POR: variants seen among roughly 807,000 people sequenced by gnomAD.
The protein encoded by POR is NADPH--cytochrome P450 reductase.
In POR, 56 loss-of-function variants were observed where a neutral mutation model predicts 84.0. The ratio of observed to expected loss-of-function variants is 0.67; its 90% CI spans 0.54 to 0.83. The LOEUF (loss-of-function observed/expected upper bound fraction) is 0.83. POR is among the 40% of genes least tolerant of loss of function. POR has a pLI of 0.00. For synonymous variants in POR, 414 were observed against 400.5 expected (o/e 1.03, Z -0.40); for missense variants, 938 against 944.3 (o/e 0.99, Z 0.09).
At chr7:75,922,584 G>A (rs782811121) in intron 1 of POR, among the ~76,000 whole-genome samples, 1 of 152,122 alleles carries the variant, frequency 6.6e-6, no homozygotes, top group Admixed American at 6.6e-5. Context: ...TCGGCCTTCC[G>A]AAGTGCTGGG....
chr7:75,980,839 C>T lies in POR; in HGVS notation c.517-209C>T, dbSNP rs946607363. 2.0e-5 allele frequency: 23 copies of T among 1,134,728 alleles called. 1 individual carries two copies. The Admixed American group carries it at 3.1e-4, about 15-fold the overall frequency. The allele number at this position is 1,134,728 out of a possible 1,614,324, so 70.3% of individuals were successfully genotyped here. A position where few individuals can be genotyped will look rare whatever the true frequency, so the allele number is the denominator to read the frequency against. ...CCTGTGGGTTGAGGCTGGCAGTGGA[C>T]GGGGCAGGCTGTGGGCTGCAGGTCA... On this transcript the variant is annotated intron_variant, in intron 5 of 15. Coordinates refer to ENST00000461988, the MANE Select transcript of POR (RefSeq NM_000941.3).
intron 3 of POR, among the ~76,000 whole-genome samples, chr7:75,978,689 A>T (rs570997527): frequency 4.6e-5 from 7 of 151,494 alleles, no homozygotes; most frequent in Non-Finnish European, 7.4e-5. Flanking sequence ...ATGCCCGGCT[A>T]ATTTTGTATT....
chr7:75,958,433 A>G (rs1192705491), intron 2 of POR, among the ~76,000 whole-genome samples: 1 of 151,666 alleles, frequency 6.6e-6, no homozygotes, highest in Non-Finnish European at 1.5e-5. Context: ...TATTATTTTT[A>G]TCCTTTTTAT....
chr7:75,917,074 T>G (rs1806604262), intron 1 of POR, among the ~76,000 whole-genome samples: 1 of 149,214 alleles, frequency 6.7e-6, no homozygotes, highest in Non-Finnish European at 1.5e-5. Flanking sequence ...TTAAGTAACT[T>G]TTTTTTTTTT....
intron 1 of POR, among the ~76,000 whole-genome samples, chr7:75,935,467 G>A (rs951649251): frequency 3.9e-5 from 6 of 151,934 alleles, no homozygotes; most frequent in African/African-American, 9.7e-5. Context: ...GGTTGGTCTC[G>A]AATCCTGACC....
intron 3 of POR, among the ~76,000 whole-genome samples, chr7:75,973,493 T>C (rs551633469): frequency 6.6e-6 from 1 of 152,002 alleles, no homozygotes; most frequent in African/African-American, 2.4e-5. Context: ...TTTTAATTTA[T>C]TCTTCATAGG....
At chr7:75,943,321 A>G (rs1787031968) in intron 1 of POR, among the ~76,000 whole-genome samples, 1 of 152,008 alleles carries the variant, frequency 6.6e-6, no homozygotes, top group South Asian at 2.1e-4. Flanking sequence ...TCTTGTTCAG[A>G]AAAGATTTAA....
At chr7:75,941,999 G>A (rs781998073) in intron 1 of POR, among the ~76,000 whole-genome samples, 15 of 151,878 alleles carry the variant, frequency 9.9e-5, no homozygotes, top group Non-Finnish European at 1.6e-4. Flanking sequence ...TGGGAGGATC[G>A]CTTGAGTCCA....
At chr7:75,923,513 G>T in intron 1 of POR, 2 of 472,890 alleles carry the variant, frequency 4.2e-6, no homozygotes, top group South Asian at 2.3e-5. Context: ...TTTGGGGGCG[G>T]GGTGGAATTT....
At chr7:75,915,347 C>T (rs1554547923) in intron 1 of POR, 168 bp downstream of exon 1, 1 of 152,444 alleles carries the variant, frequency 6.6e-6, no homozygotes, top group Admixed American at 6.5e-5. Flanking sequence ...GAAGGCATGG[C>T]TCCCACCCCG....
Position 75,953,992 on chromosome 7 carries a change from C to A in POR, c.-1C>A. 6.3e-7 allele frequency: 1 copy of A among 1,583,698 alleles called. No individual in the cohort carries two copies. Among genetic ancestry groups the A allele is most frequent in the Non-Finnish European group, 8.6e-7 (1 of 1,163,724 alleles). On this transcript the variant is annotated 5_prime_UTR_variant, in exon 2 of 16. Coordinates refer to ENST00000461988, the MANE Select transcript of POR (RefSeq NM_000941.3). ...TGCTGTTTCTGTCTCCTAACAGTTT[C>A]ATGATCAACATGGGAGACTCCCACG...
chr7:75,972,542 C>A, intron 3 of POR, 81 bp downstream of exon 3: 1 of 1,335,122 alleles, frequency 7.5e-7, no homozygotes, highest in Non-Finnish European at 1.1e-6. Context: ...AGACGGCTGG[C>A]GTCACCGCAT....
At chr7:75,962,850 C>G (rs1289097473) in intron 2 of POR, among the ~76,000 whole-genome samples, 1 of 152,234 alleles carries the variant, frequency 6.6e-6, no homozygotes, top group Non-Finnish European at 1.5e-5. Flanking sequence ...CCGTGGGCTG[C>G]TGTGCCAGCG....
Position 75,984,937 on chromosome 7 carries a change from C to T in POR, c.1227C>T (p.Ala409=), listed in dbSNP as rs782563724. ...AGCAGGAGCTGCTGCGCAAGATGGCCTCCTCCTCCGGCGAGGGCAAGGTGC... is the reference window on the plus strand; with the variant it reads ...AGCAGGAGCTGCTGCGCAAGATGGCTTCCTCCTCCGGCGAGGGCAAGGTGC... Residue 409 remains alanine (A), a synonymous_variant, in exon 11 of 16, where the codon GCC becomes GCT. Coordinates refer to ENST00000461988, the MANE Select transcript of POR (RefSeq NM_000941.3). 1.9e-6 allele frequency: 3 copies of T among 1,599,386 alleles called. No homozygotes were observed. Among genetic ancestry groups the T allele is most frequent in the South Asian group, 2.2e-5 (2 of 90,380 alleles).
intron 1 of POR, among the ~76,000 whole-genome samples, chr7:75,919,003 G>GTTT (rs36120501): frequency 7.0e-6 from 1 of 142,170 alleles, no homozygotes; most frequent in African/African-American, 2.6e-5. Context: ...AGTGTTGTGT[G>GTTT]TTTTTTTTTT....
intron 4 of POR, chr7:75,979,923 C>T (rs1196784005): frequency 5.3e-6 from 2 of 378,876 alleles, no homozygotes; most frequent in East Asian, 5.7e-5. Context: ...ACGGGCACTA[C>T]CCCACAGCCC....
chr7:75,981,231 C>T (rs1302925677), intron 6 of POR, 59 bp downstream of exon 6: 38 of 1,476,908 alleles, frequency 2.6e-5, no homozygotes, highest in South Asian at 4.0e-5. Flanking sequence ...GGCCGTGGAA[C>T]GTGAGGGGCG....
intron 2 of POR, among the ~76,000 whole-genome samples, chr7:75,967,253 T>C (rs1212600300): frequency 1.3e-5 from 2 of 152,120 alleles, no homozygotes; most frequent in African/African-American, 4.8e-5. Context: ...TGTACTGGTG[T>C]GAGCCACTGC....
At chr7:75,922,922 A>G (rs1260356952) in intron 1 of POR, 20 of 666,180 alleles carry the variant, frequency 3.0e-5, no homozygotes, top group African/African-American at 5.5e-5. Context: ...TCATTCCTAC[A>G]TGATTCCTGG....
Sources: allele counts gnomAD v4.1 joint callset (sites outside exome capture counted in the v4.1 genomes callset), GRCh38; gene constraint gnomAD v4.1.1; transcripts MANE v1.5; gene names NCBI Gene and HGNC (gene_info 2026-07-23, HGNC 2026-07-21).